The following COP1 variants were observed in gnomAD, a reference collection of about 807,000 sequenced individuals.
COP1 encodes COP1 E3 ubiquitin ligase.
In COP1, 24 loss-of-function variants were observed where a neutral mutation model predicts 101.3. That is an observed-to-expected ratio of 0.24 (90% CI 0.17 to 0.33). The LOEUF is 0.33. Ranked by LOEUF, COP1 falls within the 10% of genes least tolerant of loss-of-function variation. The pLI is 1.00. For synonymous variants in COP1, 347 were observed against 341.9 expected (o/e 1.01, Z -0.17); for missense variants, 663 against 906.2 (o/e 0.73, Z 3.45).
At chr1:175,975,557 G>T (rs1654332550) in intron 18 of COP1, among the ~76,000 whole-genome samples, 2 of 152,028 alleles carry the variant, frequency 1.3e-5, no homozygotes, top group Admixed American at 1.3e-4. Flanking sequence ...TTATAAGCAT[G>T]CGCCAATATG....
At chr1:176,059,800 G>A (rs755166480) in intron 11 of COP1, among the ~76,000 whole-genome samples, 8 of 152,100 alleles carry the variant, frequency 5.3e-5, no homozygotes, top group Non-Finnish European at 7.4e-5. Context: ...TCAGAACAGC[G>A]TCAGTGGTTC....
chr1:176,034,040 A>G (rs1372358464), intron 14 of COP1, among the ~76,000 whole-genome samples: 1 of 152,206 alleles, frequency 6.6e-6, no homozygotes, highest in Admixed American at 6.5e-5. Context: ...AAGCTGAGAG[A>G]GTAAGCCAAT....
At chr1:176,031,947 A>G (rs181708243) in intron 14 of COP1, among the ~76,000 whole-genome samples, 9 of 152,350 alleles carry the variant, frequency 5.9e-5, no homozygotes, top group Admixed American at 5.2e-4. Flanking sequence ...TTGCTTATCT[A>G]TAATAACATC....
At chr1:175,995,373 G>A (rs1659868035) in intron 15 of COP1, among the ~76,000 whole-genome samples, 1 of 152,100 alleles carries the variant, frequency 6.6e-6, no homozygotes, top group African/African-American at 2.4e-5. Context: ...AAAGCTAGCA[G>A]AAGGCAAAAA....
At chr1:176,151,339 G>T (rs1692442427) in intron 5 of COP1, among the ~76,000 whole-genome samples, 1 of 121,850 alleles carries the variant, frequency 8.2e-6, no homozygotes, top group South Asian at 2.9e-4. Flanking sequence ...AAGAAAGAAG[G>T]AAGGAAAGAA....
At chr1:175,956,642 A>C (rs1650685084) in intron 18 of COP1, among the ~76,000 whole-genome samples, 1 of 152,216 alleles carries the variant, frequency 6.6e-6, no homozygotes, top group Admixed American at 6.5e-5. Flanking sequence ...GGATGCTGGC[A>C]GGAGTGCAAA....
chr1:175,995,243 G>A (rs1454245961), intron 15 of COP1, among the ~76,000 whole-genome samples: 1 of 152,176 alleles, frequency 6.6e-6, no homozygotes, highest in African/African-American at 2.4e-5. Flanking sequence ...CACATTCAAA[G>A]CAGTCTGTAG....
chr1:175,968,594 A>C (rs974519482), intron 18 of COP1: 3 of 453,882 alleles, frequency 6.6e-6, no homozygotes, highest in African/African-American at 6.1e-5. Flanking sequence ...TTTATATTCC[A>C]ATTAACTAAC....
chr1:176,147,925 AT>A (rs1197660361), intron 6 of COP1, among the ~76,000 whole-genome samples: 17 of 152,120 alleles, frequency 1.1e-4, no homozygotes, highest in African/African-American at 3.9e-4. Context: ...TTTGGGACAG[AT>A]TCTCGCCCTG....
chr1:175,992,549 T>C (rs1041865769), intron 15 of COP1, among the ~76,000 whole-genome samples: 2 of 152,212 alleles, frequency 1.3e-5, no homozygotes, highest in Non-Finnish European at 2.9e-5. Flanking sequence ...ACCCTAATAC[T>C]GCGCTTTACC....
intron 15 of COP1, among the ~76,000 whole-genome samples, chr1:175,994,920 A>C (rs1199418015): frequency 2.6e-5 from 4 of 152,156 alleles, no homozygotes; most frequent in Admixed American, 6.5e-5. Flanking sequence ...AGAACTCTCC[A>C]CCCCAAATCA....
intron 14 of COP1, among the ~76,000 whole-genome samples, chr1:176,037,425 A>G (rs1669761045): frequency 6.8e-6 from 1 of 147,852 alleles, no homozygotes; most frequent in Non-Finnish European, 1.5e-5. Context: ...AAAGTATAAG[A>G]AAAAAAAAAA....
chr1:176,164,274 T>G (rs1166116774), intron 3 of COP1, among the ~76,000 whole-genome samples: 2 of 152,202 alleles, frequency 1.3e-5, no homozygotes, highest in Admixed American at 1.3e-4. Flanking sequence ...AGACTTGCAT[T>G]TGTTCTTTTT....
chr1:176,024,084 C>G (rs1486801912), intron 15 of COP1, among the ~76,000 whole-genome samples: 1 of 152,028 alleles, frequency 6.6e-6, no homozygotes, highest in Non-Finnish European at 1.5e-5. Context: ...ATGGTGAAAC[C>G]CTGTCTCTAC....
intron 9 of COP1, among the ~76,000 whole-genome samples, chr1:176,111,530 C>T (rs1014759724): frequency 2.0e-5 from 3 of 152,060 alleles, no homozygotes; most frequent in Non-Finnish European, 2.9e-5. Context: ...CTTGACCTTG[C>T]GATCCACCTG....
intron 3 of COP1, among the ~76,000 whole-genome samples, chr1:176,165,828 T>C (rs1695051926): frequency 6.6e-6 from 1 of 152,178 alleles, no homozygotes; most frequent in South Asian, 2.1e-4. Context: ...GTGAAGGGCC[T>C]GAACTGCAGA....
intron 6 of COP1, among the ~76,000 whole-genome samples, chr1:176,144,056 G>C (rs1045999419): frequency 4.6e-5 from 7 of 152,122 alleles, no homozygotes; most frequent in African/African-American, 1.7e-4. Context: ...TCAAGACTAG[G>C]ATGCCCCGCT....
intron 18 of COP1, among the ~76,000 whole-genome samples, chr1:175,949,190 A>AAAAAAAAAAAAAAAAAAAAAG (rs1558152756): frequency 6.8e-6 from 1 of 146,192 alleles, no homozygotes; most frequent in African/African-American, 2.5e-5. Context: ...AAAAAAAAAA[A>AAAAAAAAAAAAAAAAAAAAAG]AATGAACATG....
intron 8 of COP1, among the ~76,000 whole-genome samples, chr1:176,124,705 A>T (rs571634405): frequency 2.0e-5 from 3 of 152,308 alleles, no homozygotes; most frequent in East Asian, 3.9e-4. Flanking sequence ...AATCTTGGCT[A>T]TTGTGAACAG....
Sources: allele counts gnomAD v4.1 joint callset (sites outside exome capture counted in the v4.1 genomes callset), GRCh38; gene constraint gnomAD v4.1.1; transcripts MANE v1.5; gene names NCBI Gene and HGNC (gene_info 2026-07-23, HGNC 2026-07-21).